ZNF541: variants seen among roughly 807,000 people sequenced by gnomAD.
The protein encoded by ZNF541 is zinc finger protein 541.
ZNF541 carries 23 observed loss-of-function variants against 123.5 expected under a neutral mutation model. That is an observed-to-expected ratio of 0.19 (90% CI 0.13 to 0.26). ZNF541 has a LOEUF of 0.26. ZNF541 is among the 10% of genes least tolerant of loss of function. The probability of loss-of-function intolerance (pLI) is 1.00; values close to 1 mark genes in which losing one functional copy is unlikely to be tolerated. For synonymous variants in ZNF541, 751 were observed against 754.5 expected, an observed-to-expected ratio of 1.00 and a Z score of 0.08; for missense variants, 1,612 against 1,789.9, an observed-to-expected ratio of 0.90 and a Z score of 1.79.
intron 14 of ZNF541, among the ~76,000 whole-genome samples, chr19:47,527,575 T>C (rs1969355495): frequency 1.3e-5 from 2 of 151,914 alleles, no homozygotes; most frequent in African/African-American, 4.8e-5. Flanking sequence ...TTTAACTTTT[T>C]TGTAGAGACA....
chr19:47,532,063 A>G, intron 11 of ZNF541, 65 bp downstream of exon 11: 1 of 1,538,194 alleles, frequency 6.5e-7, no homozygotes, highest in Non-Finnish European at 8.8e-7. Flanking sequence ...CCTAGGAGGA[A>G]AAACACCCTG....
rs1387012404 is a variant in ZNF541 at position 47,521,127 on chromosome 19, G to A, written c.*97C>T. 8.4e-6 allele frequency: 12 copies of A among 1,433,630 alleles called. No individual in the cohort carries two copies. The highest frequency in any genetic ancestry group is 4.7e-5 in the Admixed American group (2 of 42,950). 88.8% of individuals were successfully genotyped at this position (1,433,630 alleles called of 1,614,324 possible). A position where few individuals can be genotyped will look rare whatever the true frequency, so the allele number is the denominator to read the frequency against. ...AGGTTGGCCAACAGGGGACAGGGAG[G>A]GTGGGGGGAGGCAGAGGGGTGCCCC... On this transcript the variant is annotated 3_prime_UTR_variant, in exon 17 of 17. Transcript: ENST00000391901. This position sits in a 1 kb window ranked among gnomAD's most constrained non-coding sequence, Gnocchi z 4.2.
intron 2 of ZNF541, 27 bp from the exon 3 acceptor site, chr19:47,555,981 G>A: frequency 5.8e-6 from 6 of 1,033,792 alleles, no homozygotes; most frequent in Non-Finnish European, 8.3e-6. Context: ...AAGAATGAAA[G>A]TTATTAGGTG....
At chr19:47,527,048 G>C (rs528824076) in intron 14 of ZNF541, among the ~76,000 whole-genome samples, 1 of 152,326 alleles carries the variant, frequency 6.6e-6, no homozygotes, top group Admixed American at 6.5e-5. Context: ...TCAAAATCAT[G>C]ATGCTGAGTG....
rs772415761 is a variant in ZNF541, at chr19:47,545,067, C to T, written c.1462G>A (p.Asp488Asn). ...LLRVPAEAPS[D>N]PRSASGEDDP... ...TCTTCCCCGCTGGCCGACCTGGGGT[C>T]GCTCGGGGCCTCCGCGGGGACCCTG... The change falls in exon 5 of 17, where the codon GAC becomes AAC. Residue 488 changes from aspartate to asparagine, a missense_variant. This residue lies in a region of ZNF541 where 1,080 missense variants were observed against 1,013.8 expected (regional missense o/e 1.07). Coordinates refer to ENST00000391901, the MANE Select transcript of ZNF541 (RefSeq NM_001277075.3). The surrounding 1 kb of genome is among the most constrained non-coding windows in gnomAD (Gnocchi z 7.5). 4.7e-6 allele frequency: 7 copies of T among 1,476,666 alleles called. No homozygotes were observed. Among genetic ancestry groups the T allele is most frequent in the African/African-American group, 1.4e-5 (1 of 70,990 alleles). The allele number at this position is 1,476,666 out of a possible 1,614,324, so 91.5% of individuals were successfully genotyped here.
rs1236984075 is a variant in ZNF541 at position 47,555,605 on chromosome 19, A to G, written c.252T>C (p.Asp84=). The change falls in exon 3 of 17, where the codon GAT becomes GAC. Residue 84 remains aspartate (D), a synonymous_variant. Coordinates refer to ENST00000391901, the MANE Select transcript of ZNF541 (RefSeq NM_001277075.3). The stretch of plus-strand genomic sequence containing the variant: ...CGTACTCCTCCAGCAGCTTCACAGA[A>G]TCACTGTCCTTCCCGGAGTACAGGG... The part of the protein sequence containing the change: ...TLSLYSGKDS[D]SVKLLEEYAD... 9.0e-6 allele frequency: 14 copies of G among 1,551,298 alleles called. No individual in the cohort carries two copies. The South Asian group carries it at 1.7e-4, about 18-fold the overall frequency.
chr19:47,528,436 C>A (rs1362321054), intron 14 of ZNF541, among the ~76,000 whole-genome samples: 2 of 151,638 alleles, frequency 1.3e-5, no homozygotes, highest in African/African-American at 4.8e-5. Context: ...CATGCCTCAG[C>A]CTCCTAACTA....
intron 11 of ZNF541, 24 bp downstream of exon 11, chr19:47,532,104 A>C: frequency 6.5e-7 from 1 of 1,550,124 alleles, no homozygotes; most frequent in Non-Finnish European, 8.7e-7. Flanking sequence ...GCCCTTAGGA[A>C]TTTAGCCCCA....
intron 2 of ZNF541, among the ~76,000 whole-genome samples, chr19:47,563,763 G>A (rs573715479): frequency 3.6e-4 from 54 of 152,086 alleles, no homozygotes; most frequent in African/African-American, 1.2e-3. Flanking sequence ...TCACCACCAC[G>A]CCTGGCAAAT....
intron 14 of ZNF541, among the ~76,000 whole-genome samples, chr19:47,527,939 T>C (rs1969374346): frequency 6.8e-6 from 1 of 147,396 alleles, no homozygotes; most frequent in Non-Finnish European, 1.5e-5. Context: ...CCTCAGGTGA[T>C]CCACATGCCT....
At position 47,521,241 on chromosome 19, in the gene ZNF541, C is replaced by G. The variant is rs1477411458; in HGVS notation, c.4024G>C (p.Gly1342Arg). Reference protein sequence around the residue: ...LKEEELGADIGPLQW With the variant: ...LKEEELGADIRPLQW ...CACGGGAGTCACCACTGCAGGGGGC[C>G]GATGTCAGCTCCCAGCTCCTCTTCC... The change falls in exon 17 of 17, where the codon GGC (glycine) becomes CGC (arginine). Residue 1342 changes from glycine to arginine, a missense_variant. Gly to Arg is a moderately radical substitution (Grantham distance 125, BLOSUM62 -2). Coordinates refer to ENST00000391901, the MANE Select transcript of ZNF541 (RefSeq NM_001277075.3). The surrounding 1 kb of genome is among the most constrained non-coding windows in gnomAD (Gnocchi z 4.2). 11 of 1,551,626 alleles carry G rather than the reference C, an allele frequency of 7.1e-6. No individual in the cohort carries two copies. The highest frequency in any genetic ancestry group is 9.6e-6 in the Non-Finnish European group (11 of 1,146,968).
At position 47,544,564 on chromosome 19, in the gene ZNF541, C is replaced by A. The variant is rs3826836; in HGVS notation, c.1965G>T (p.Ala655=). ...ACGGTGCTGCAAGGGGCGTTGGAAC[C>A]GCGGCCACTTTCAGTCCCCCCTTTG... The part of the protein sequence containing the change: ...RDAKGGLKVA[A]VPTPLAAPSL... Residue 655 remains alanine (A), a synonymous_variant, in exon 5 of 17, where the codon GCG becomes GCT. Transcript: ENST00000391901. The A allele has an allele frequency of 1.3e-6, 2 of 1,551,302 alleles. No individual in the cohort carries two copies. The highest frequency in any genetic ancestry group is 1.7e-6 in the Non-Finnish European group (2 of 1,146,966).
chr19:47,532,267 A>G lies in ZNF541; in HGVS notation c.3162T>C (p.His1054=), dbSNP rs1433521569. 39 of 1,551,792 alleles carry G rather than the reference A, an allele frequency of 2.5e-5. No individual in the cohort carries two copies. Among genetic ancestry groups the G allele is most frequent in the Non-Finnish European group, 3.4e-5 (39 of 1,147,074 alleles). The stretch of plus-strand genomic sequence containing the variant: ...CCTGAAACCGGCTTCCTATATTGAT[A>G]TGTCTGAAATGAGGCCACACACAGA... ...KDDTKISIEP[H]INIGSRFQAE... Residue 1054 remains histidine (H), a synonymous_variant, in exon 11 of 17, where the codon CAT becomes CAC. Transcript: ENST00000391901.
Position 47,538,197 on chromosome 19 carries a change from G to A in ZNF541, c.3039C>T (p.Thr1013=). Residue 1013 remains threonine (T), a synonymous_variant, in exon 9 of 17, where the codon ACC becomes ACT. Coordinates refer to ENST00000391901, the MANE Select transcript of ZNF541 (RefSeq NM_001277075.3). The part of the protein sequence containing the change: ...IREGSGVYFN[T]LCSTSTQASP... Reference sequence around the variant, plus strand: ...TGGCCTGAGTGGACGTGGAACAGAGGGTGTTGAAGTACACCCCAGAGCCCT... The same window carrying A: ...TGGCCTGAGTGGACGTGGAACAGAGAGTGTTGAAGTACACCCCAGAGCCCT... 6.4e-7 allele frequency: 1 copy of A among 1,551,548 alleles called. No homozygotes were observed. The highest frequency in any genetic ancestry group is 8.7e-7 in the Non-Finnish European group (1 of 1,146,992).
chr19:47,522,642 A>T (rs1193781548), intron 14 of ZNF541, among the ~76,000 whole-genome samples: 2 of 152,112 alleles, frequency 1.3e-5, no homozygotes, highest in Non-Finnish European at 2.9e-5. Flanking sequence ...AGAATTTTTA[A>T]AAAATTAGCC....
chr19:47,545,169 C>T lies in ZNF541; in HGVS notation c.1360G>A (p.Gly454Arg), dbSNP rs574657798. The T allele has an allele frequency of 1.2e-5, 18 of 1,498,478 alleles. No individual in the cohort carries two copies. In the Admixed American group the frequency reaches 1.3e-4, roughly 11 times the overall value. 92.8% of individuals were successfully genotyped at this position (1,498,478 alleles called of 1,614,324 possible). The change falls in exon 5 of 17, where the codon GGA becomes AGA. Residue 454 changes from glycine (G) to arginine (R), a missense_variant. Gly to Arg is a moderately radical substitution (Grantham distance 125, BLOSUM62 -2). This residue lies in a region of ZNF541 where 1,080 missense variants were observed against 1,013.8 expected (regional missense o/e 1.07). Coordinates refer to ENST00000391901, the MANE Select transcript of ZNF541 (RefSeq NM_001277075.3). The surrounding 1 kb of genome is among the most constrained non-coding windows in gnomAD (Gnocchi z 7.5). ...GSESGPGPSS[G>R]SPSEESPPGP... ...GGCGGGGACTCCTCCGAGGGGCTTC[C>T]GCTGCTGGGTCCCGGGCCAGACTCG...
rs1969003631 is a variant in ZNF541 at position 47,521,123 on chromosome 19, G to C, written c.*101C>G. ...AGGCAGGTTGGCCAACAGGGGACAGGGAGGGTGGGGGGAGGCAGAGGGGTG... is the reference window on the plus strand; with the variant it reads ...AGGCAGGTTGGCCAACAGGGGACAGCGAGGGTGGGGGGAGGCAGAGGGGTG... On this transcript the variant is annotated 3_prime_UTR_variant, in exon 17 of 17. Transcript: ENST00000391901. The surrounding 1 kb of genome is among the most constrained non-coding windows in gnomAD (Gnocchi z 4.2). The C allele has an allele frequency of 1.4e-6, 2 of 1,424,766 alleles. No homozygotes were observed. Among genetic ancestry groups the C allele is most frequent in the Non-Finnish European group, 1.9e-6 (2 of 1,066,828 alleles). 88.3% of individuals were successfully genotyped at this position (1,424,766 alleles called of 1,614,324 possible).
At position 47,545,923 on chromosome 19, in the gene ZNF541, G is replaced by C. The variant is rs1209714274; in HGVS notation, c.606C>G (p.Gly202=). The part of the protein sequence containing the change: ...KTKPFVCIEQ[G]CSKSYCDYRS... ...GGTAGTCGCAGTAGCTCTTGCTGCA[G>C]CCCTGCTCGATGCACACGAAGGGCT... Residue 202 remains glycine, a synonymous_variant, in exon 5 of 17, where the codon GGC becomes GGG. Coordinates refer to ENST00000391901, the MANE Select transcript of ZNF541 (RefSeq NM_001277075.3). The surrounding 1 kb of genome is among the most constrained non-coding windows in gnomAD (Gnocchi z 7.5). 4 of 1,530,916 alleles carry C rather than the reference G, an allele frequency of 2.6e-6. No homozygotes were observed. The highest frequency in any genetic ancestry group is 2.8e-5 in the African/African-American group (2 of 72,592). The allele number at this position is 1,530,916 out of a possible 1,614,324, so 94.8% of individuals were successfully genotyped here.
chr19:47,553,478 G>A (rs187560122), intron 3 of ZNF541, among the ~76,000 whole-genome samples: 2 of 138,444 alleles, frequency 1.4e-5, no homozygotes, highest in African/African-American at 2.7e-5. Flanking sequence ...GTGCAATCTC[G>A]GCTCACTGCA....
Sources: allele counts gnomAD v4.1 joint callset (sites outside exome capture counted in the v4.1 genomes callset), GRCh38; gene constraint gnomAD v4.1.1; regional missense constraint gnomAD v4.1.1; non-coding constraint Gnocchi (gnomAD v3.1); transcripts MANE v1.5; gene names NCBI Gene and HGNC (gene_info 2026-07-23, HGNC 2026-07-21).